The following CBLB variants were observed in gnomAD, a reference collection of about 807,000 sequenced individuals.
CBLB encodes E3 ubiquitin-protein ligase CBL-B.
CBLB carries 31 observed loss-of-function variants against 104.9 expected under a neutral mutation model. That is an observed-to-expected ratio of 0.30 (90% confidence interval 0.22 to 0.40). The LOEUF (loss-of-function observed/expected upper bound fraction) is 0.40, where lower values mean the gene tolerates loss of function less well. CBLB is among the 10% of genes least tolerant of loss of function. The probability of loss-of-function intolerance (pLI) is 1.00; values close to 1 mark genes in which losing one functional copy is unlikely to be tolerated. For synonymous variants in CBLB, 440 were observed against 422.6 expected, an observed-to-expected ratio of 1.04 and a Z score of -0.51; for missense variants, 1,062 against 1,214.6, an observed-to-expected ratio of 0.87 and a Z score of 1.87.
chr3:105,825,210 A>T (rs2086411113), intron 3 of CBLB, among the ~76,000 whole-genome samples: 1 of 152,200 alleles, frequency 6.6e-6, no homozygotes, highest in Non-Finnish European at 1.5e-5. Context: ...TGAAAAAAAG[A>T]AATCAATCAT....
intron 3 of CBLB, among the ~76,000 whole-genome samples, chr3:105,808,303 C>T (rs1340073440): frequency 1.3e-5 from 2 of 152,084 alleles, no homozygotes; most frequent in Non-Finnish European, 2.9e-5. Context: ...AATACAAAAA[C>T]TTATAAAAGA....
intron 3 of CBLB, among the ~76,000 whole-genome samples, chr3:105,841,549 T>C (rs1351071848): frequency 6.6e-6 from 1 of 151,734 alleles, no homozygotes; most frequent in Non-Finnish European, 1.5e-5. Flanking sequence ...GCCTCCCGGA[T>C]TCACGCCATT....
rs543822907 is a variant in CBLB at position 105,697,871 on chromosome 3, T to G, written c.1959+4223A>C. On this transcript the variant is annotated intron_variant, in intron 12 of 18. Coordinates refer to ENST00000394030, the MANE Select transcript of CBLB (RefSeq NM_170662.5). ...GACAGTTGGGTATAATGTTAATATCTAGAAATAAGTAGATACATTGCAAGT... is the reference window on the plus strand; with the variant it reads ...GACAGTTGGGTATAATGTTAATATCGAGAAATAAGTAGATACATTGCAAGT... Among the ~76,000 whole-genome samples the G allele has an allele frequency of 1.9e-4, 29 of 152,180 alleles. No homozygotes were observed. The South Asian group carries it at 6.0e-3, about 32-fold the overall frequency.
chr3:105,700,015 A>G (rs535835801), intron 12 of CBLB, among the ~76,000 whole-genome samples: 1 of 152,300 alleles, frequency 6.6e-6, no homozygotes, highest in Non-Finnish European at 1.5e-5. Flanking sequence ...TCAGCTTTCA[A>G]TAAGAGATAA....
chr3:105,714,373 T>C (rs1311650156), intron 10 of CBLB, among the ~76,000 whole-genome samples: 2 of 152,182 alleles, frequency 1.3e-5, no homozygotes, highest in African/African-American at 4.8e-5. Flanking sequence ...TACACTATAA[T>C]ATATAATGAA....
At chr3:105,681,210 T>A (rs2066277437) in intron 16 of CBLB, 1 of 526,984 alleles carries the variant, frequency 1.9e-6, no homozygotes, top group South Asian at 3.2e-5. Flanking sequence ...AGCACAAAGC[T>A]CTCATGTGTT....
intron 9 of CBLB, among the ~76,000 whole-genome samples, chr3:105,728,808 T>C (rs1336626972): frequency 6.6e-6 from 1 of 152,172 alleles, no homozygotes; most frequent in Non-Finnish European, 1.5e-5. Context: ...GAAAAAAGCA[T>C]CTGACACCTC....
chr3:105,778,248 A>G (rs1362979113), intron 3 of CBLB, among the ~76,000 whole-genome samples: 2 of 152,134 alleles, frequency 1.3e-5, no homozygotes, highest in Non-Finnish European at 2.9e-5. Context: ...ATAAAACCAT[A>G]CAGTGTATCA....
chr3:105,742,967 T>G (rs996062766), intron 6 of CBLB, among the ~76,000 whole-genome samples: 14 of 152,210 alleles, frequency 9.2e-5, no homozygotes, highest in African/African-American at 3.4e-4. Flanking sequence ...AAGCAATTCA[T>G]GTATATAAGA....
intron 7 of CBLB, among the ~76,000 whole-genome samples, chr3:105,737,580 A>C (rs2075089105): frequency 6.6e-6 from 1 of 152,152 alleles, no homozygotes; most frequent in South Asian, 2.1e-4. Context: ...ATTCCAAAAC[A>C]CTTTGAAGAT....
intron 18 of CBLB, among the ~76,000 whole-genome samples, chr3:105,666,683 C>T (rs1290708384): frequency 6.6e-6 from 1 of 151,270 alleles, no homozygotes; most frequent in Non-Finnish European, 1.5e-5. Flanking sequence ...GAGACTCCAT[C>T]TCAAAAAAAA....
intron 4 of CBLB, among the ~76,000 whole-genome samples, chr3:105,764,329 G>C (rs931734928): frequency 2.0e-5 from 3 of 152,206 alleles, no homozygotes; most frequent in East Asian, 3.9e-4. Context: ...TGAATTAGAA[G>C]AGAGATTATC....
intron 4 of CBLB, among the ~76,000 whole-genome samples, chr3:105,754,493 AAGAGAGAGAG>A (rs1208848396): frequency 4.5e-4 from 29 of 64,242 alleles, no homozygotes; most frequent in Admixed American, 2.0e-3. Flanking sequence ...AAGAAAAGGG[AAGAGAGAGAG>A]AGAGAGAGAG....
intron 4 of CBLB, among the ~76,000 whole-genome samples, chr3:105,759,304 C>A (rs1240460872): frequency 6.6e-6 from 1 of 152,070 alleles, no homozygotes; most frequent in African/African-American, 2.4e-5. Context: ...AAGGGCAGGC[C>A]CAGAAAAAGC....
intron 3 of CBLB, among the ~76,000 whole-genome samples, chr3:105,784,739 C>G (rs1393573101): frequency 1.3e-5 from 2 of 152,060 alleles, no homozygotes; most frequent in African/African-American, 2.4e-5. Flanking sequence ...ACTTGTTACA[C>G]CATTTTTATC....
At chr3:105,704,306 C>T (rs2069728270) in intron 10 of CBLB, 133 bp from the exon 11 acceptor site, 5 of 817,632 alleles carry the variant, frequency 6.1e-6, no homozygotes, top group Non-Finnish European at 8.3e-6. Context: ...CTTAGTTTAC[C>T]CTGATTAATA....
chr3:105,828,266 A>T (rs927424056), intron 3 of CBLB, among the ~76,000 whole-genome samples: 2 of 152,230 alleles, frequency 1.3e-5, no homozygotes, highest in Non-Finnish European at 2.9e-5. Context: ...TCACAGGGCC[A>T]CATCAGCAAC....
Position 105,751,384 on chromosome 3 carries a change from C to CAG in CBLB, c.723+76_723+77dup, listed in dbSNP as rs3217535. The CAG allele has an allele frequency of 6.5e-3, 6,282 of 966,854 alleles. 103 individuals are homozygous for CAG. In the East Asian group the frequency reaches 0.069, roughly 11 times the overall value. 59.9% of individuals were successfully genotyped at this position (966,854 alleles called of 1,614,324 possible). ...TATGTGTGTGTGTGTGAGAGAGAGA[C>CAG]AGAGAGAGAGAGAAACAGAGAGAAA... On this transcript the variant is annotated intron_variant, in intron 5 of 18. Transcript: ENST00000394030.
At chr3:105,805,302 A>AT (rs1221623767) in intron 3 of CBLB, among the ~76,000 whole-genome samples, 4,969 of 138,624 alleles carry the variant, frequency 0.036, 204 homozygotes, top group African/African-American at 0.1. Context: ...ATGGCCCCCA[A>AT]TTTTTTTTTT....
Sources: gnomAD v4.1 joint callset for allele counts (sites outside exome capture counted in the v4.1 genomes callset) on GRCh38, gnomAD v4.1.1 for gene constraint, MANE v1.5 for transcripts, NCBI Gene and HGNC (gene_info 2026-07-23, HGNC 2026-07-21) for gene names.